RBPJ: variants seen among roughly 807,000 people sequenced by gnomAD.
RBPJ encodes the protein recombining binding protein suppressor of hairless.
A neutral mutation model predicts 67.8 loss-of-function variants in RBPJ; 9 were observed. The observed-to-expected ratio is 0.13, with a 90% CI of 0.08 to 0.23. RBPJ has a LOEUF of 0.23. Ranked by LOEUF, RBPJ falls within the 10% of genes least tolerant of loss-of-function variation. The probability of loss-of-function intolerance (pLI) is 1.00; values close to 1 mark genes in which losing one functional copy is unlikely to be tolerated. For synonymous variants in RBPJ, 198 were observed against 203.3 expected, an observed-to-expected ratio of 0.97 and a Z score of 0.22; for missense variants, 305 against 595.6, an observed-to-expected ratio of 0.51 and a Z score of 5.08.
intron 1 of RBPJ, among the ~76,000 whole-genome samples, chr4:26,305,069 T>C (rs946124402): frequency 6.6e-6 from 1 of 152,220 alleles, no homozygotes; most frequent in Non-Finnish European, 1.5e-5. Context: ...ATATTCAGTT[T>C]TCCCAGCATC....
At chr4:26,209,878 T>A (rs1380234727) in intron 1 of RBPJ, among the ~76,000 whole-genome samples, 1 of 147,554 alleles carries the variant, frequency 6.8e-6, no homozygotes, top group Non-Finnish European at 1.5e-5. Flanking sequence ...CCTCTCTCCC[T>A]TCCTTGCTTT....
intron 1 of RBPJ, among the ~76,000 whole-genome samples, chr4:26,355,618 A>G (rs564960252): frequency 6.6e-6 from 1 of 152,166 alleles, no homozygotes; most frequent in Non-Finnish European, 1.5e-5. Context: ...AGCCTGGGCA[A>G]CAGAGCAAGA....
At chr4:26,404,555 C>T (rs1473701803) in intron 2 of RBPJ, among the ~76,000 whole-genome samples, 1 of 152,170 alleles carries the variant, frequency 6.6e-6, no homozygotes, top group Non-Finnish European at 1.5e-5. Flanking sequence ...GTGTGAATTC[C>T]TGACTGCCAC....
rs150407492 is a variant in RBPJ, at chr4:26,196,013, AAGAG to A, written c.-167+32409_-167+32412del. On this transcript the variant is annotated intron_variant, in intron 1 of 4. Transcript: ENST00000512351. ...AAACAGAGAGAGAGAGAAGAGAGAA[AAGAG>A]AGAGAGAGAAATCTGTTAGCTCTGG... 9.7e-3 allele frequency among the ~76,000 whole-genome samples: 1,471 copies of A among 152,250 alleles called. 19 individuals carry two copies. Among genetic ancestry groups the A allele is most frequent in the African/African-American group, 0.033 (1,385 of 41,544 alleles).
chr4:26,230,736 C>A (rs1719249347), intron 1 of RBPJ, among the ~76,000 whole-genome samples: 2 of 152,132 alleles, frequency 1.3e-5, no homozygotes. Context: ...CAGTTCAGTT[C>A]TCTTCTATTT....
rs928269836 is a variant in RBPJ, at chr4:26,196,749, G to C, written c.-167+33135G>C. Among the ~76,000 whole-genome samples the C allele has an allele frequency of 2.0e-5, 3 of 152,194 alleles. No individual in the cohort carries two copies. The South Asian group carries it at 6.2e-4, about 32-fold the overall frequency. On this transcript the variant is annotated intron_variant, in intron 1 of 4. Coordinates refer to the RBPJ transcript ENST00000512351. ...CCACTGTTGAGATAAAACAGATGTC[G>C]GCATTTTGCTGCATTTGTTCCGGAG... is the stretch of plus-strand genomic sequence containing the variant.
chr4:26,290,860 A>G lies in RBPJ; in HGVS notation c.-166-71586A>G, dbSNP rs533152462. Among the ~76,000 whole-genome samples the G allele has an allele frequency of 6.0e-5, 9 of 151,102 alleles. No homozygotes were observed. In the South Asian group the frequency reaches 1.9e-3, roughly 32 times the overall value. ...ATGGGTCTCCTCCTTCGAGAAGAGA[A>G]TCGTAAATGAAATACATAAAGATTA... On this transcript the variant is annotated intron_variant, in intron 1 of 4. Coordinates refer to the RBPJ transcript ENST00000512351.
At chr4:26,325,962 A>G (rs1455964063) in intron 1 of RBPJ, among the ~76,000 whole-genome samples, 3 of 152,202 alleles carry the variant, frequency 2.0e-5, no homozygotes, top group Admixed American at 6.5e-5. Context: ...GCATGATACT[A>G]AGTTGTAATT....
rs76349262 is a variant in RBPJ at position 26,227,768 on chromosome 4, G to A, written c.-167+64154G>A. Among the ~76,000 whole-genome samples the A allele has an allele frequency of 2.1e-3, 321 of 152,310 alleles. 2 individuals carry two copies. The highest frequency in any genetic ancestry group is 7.4e-3 in the African/African-American group (306 of 41,576). On this transcript the variant is annotated intron_variant, in intron 1 of 4. Transcript: ENST00000512351. The stretch of plus-strand genomic sequence containing the variant: ...GTGAAGAGCAGACTTTGCTTGAGTC[G>A]CGGAGCGTCCGAGTGCCGCTGACAC...
intron 1 of RBPJ, among the ~76,000 whole-genome samples, chr4:26,251,814 C>T (rs1346918913): frequency 6.9e-6 from 1 of 145,332 alleles, no homozygotes. Flanking sequence ...TGCCGTTGCC[C>T]TCCAGCCTGG....
chr4:26,210,727 C>CCTTCTTTT (rs55806116), intron 1 of RBPJ, among the ~76,000 whole-genome samples: 1 of 61,776 alleles, frequency 1.6e-5, no homozygotes, highest in African/African-American at 6.1e-5. Flanking sequence ...TTCTTTCTTT[C>CCTTCTTTT]CTTCTTTACT....
intron 1 of RBPJ, among the ~76,000 whole-genome samples, chr4:26,174,766 G>A (rs369174478): frequency 4.3e-4 from 66 of 152,092 alleles, no homozygotes; most frequent in East Asian, 4.1e-3. Context: ...CACTGTGCCC[G>A]GCCCAGATGA....
chr4:26,330,596 T>C (rs937552773), intron 1 of RBPJ, among the ~76,000 whole-genome samples: 2 of 152,344 alleles, frequency 1.3e-5, no homozygotes, highest in African/African-American at 4.8e-5. Flanking sequence ...GAATATGTCC[T>C]GTAGAAAGAA....
At chr4:26,163,492 A>G (rs1716141028) in exon 1 of RBPJ, 1 of 151,986 alleles carries the variant, frequency 6.6e-6, no homozygotes. Flanking sequence ...TTGCCAGGCA[A>G]AGTGGCCACC....
chr4:26,300,762 C>T (rs548402534), intron 1 of RBPJ, among the ~76,000 whole-genome samples: 8 of 152,306 alleles, frequency 5.3e-5, no homozygotes, highest in African/African-American at 1.9e-4. Context: ...AGTAACAGCC[C>T]CTGGCTCATA....
At chr4:26,293,921 C>A (rs915468387) in intron 1 of RBPJ, among the ~76,000 whole-genome samples, 3 of 151,884 alleles carry the variant, frequency 2.0e-5, no homozygotes, top group Non-Finnish European at 2.9e-5. Context: ...CCACACTCAG[C>A]TAATTTTTGT....
At chr4:26,159,391 G>A (rs553543395), upstream of RBPJ, among the ~76,000 whole-genome samples, 15 of 152,228 alleles carry the variant, frequency 9.9e-5, no homozygotes, top group Non-Finnish European at 1.3e-4. Flanking sequence ...CTGAGTTGGG[G>A]TGGGGATAGA....
At chr4:26,108,597 G>A in the RBPJ span, among the ~76,000 whole-genome samples, 1 of 152,228 alleles carries the variant, frequency 6.6e-6, no homozygotes, top group Non-Finnish European at 1.5e-5. Context: ...ATGAGGAGAG[G>A]AATATTACCT....
chr4:26,268,357 AT>A (rs909402494), intron 1 of RBPJ, among the ~76,000 whole-genome samples: 1 of 152,024 alleles, frequency 6.6e-6, no homozygotes, highest in African/African-American at 2.4e-5. Flanking sequence ...TTTTTGCTTC[AT>A]TTCTGGGGCC....
Sources: gnomAD v4.1 joint callset for allele counts (sites outside exome capture counted in the v4.1 genomes callset) on GRCh38, gnomAD v4.1.1 for gene constraint, MANE v1.5 for transcripts, NCBI Gene and HGNC (gene_info 2026-07-23, HGNC 2026-07-21) for gene names.